SEH1L: variants seen among roughly 807,000 people sequenced by gnomAD.
SEH1L encodes SEH1 like nucleoporin.
Under a neutral mutation model 49.5 loss-of-function variants are expected in SEH1L, and 18 were observed. The observed-to-expected ratio is 0.36, with a 90% CI of 0.25 to 0.54. SEH1L has a LOEUF of 0.54. SEH1L is among the 20% of genes least tolerant of loss of function. SEH1L has a pLI of 0.87. For missense variants in SEH1L, 404 were observed against 528.8 expected (o/e 0.76, Z 2.31); for synonymous variants, 169 against 178.1 (o/e 0.95, Z 0.41).
At chr18:12,980,593 G>C (rs1384426844) in intron 6 of SEH1L, among the ~76,000 whole-genome samples, 1 of 125,404 alleles carries the variant, frequency 8.0e-6, no homozygotes, top group African/African-American at 3.1e-5. Flanking sequence ...CCTCCCGGAC[G>C]GGGCAGCTGG....
chr18:12,964,509 G>A (rs966114247), intron 4 of SEH1L: 6 of 151,922 alleles, frequency 3.9e-5, no homozygotes, highest in African/African-American at 1.5e-4. Context: ...TGACTAGATA[G>A]ATATCTTATT....
intron 3 of SEH1L, among the ~76,000 whole-genome samples, chr18:12,962,569 G>A (rs145612355): frequency 4.4e-5 from 6 of 137,354 alleles, no homozygotes; most frequent in African/African-American, 1.4e-4. Context: ...ACTGGCTCAA[G>A]CGATCCACCC....
intron 4 of SEH1L, among the ~76,000 whole-genome samples, chr18:12,970,097 T>C (rs2031632003): frequency 6.6e-6 from 1 of 152,218 alleles, no homozygotes; most frequent in African/African-American, 2.4e-5. Context: ...ACTAATTTTT[T>C]TTGTCAGTTA....
chr18:12,978,895 G>A lies in SEH1L; in HGVS notation c.761+3G>A, dbSNP rs1440265319. The A allele has an allele frequency of 6.2e-7, 1 of 1,613,424 alleles. No homozygotes were observed. The highest frequency in any genetic ancestry group is 8.5e-7 in the Non-Finnish European group (1 of 1,179,764). On this transcript the variant is annotated splice_donor_region_variant and intron_variant, in intron 6 of 8. Transcript: ENST00000399892. ...ATTTTTACATTAAAGCCTGTGAGGT[G>A]AGTTTTAGAAGCATTTATGAATTTG...
At chr18:12,969,217 C>A (rs1348174945) in intron 4 of SEH1L, among the ~76,000 whole-genome samples, 1 of 48,732 alleles carries the variant, frequency 2.1e-5, no homozygotes, top group Non-Finnish European at 5.3e-5. Flanking sequence ...ACCCGCCCCC[C>A]CCCCCCCCCC....
chr18:12,975,830 G>A, intron 5 of SEH1L: 1 of 985,724 alleles, frequency 1.0e-6, no homozygotes, highest in Non-Finnish European at 1.2e-6. Context: ...ACTGTGGCGT[G>A]GGATGAAGAG....
chr18:12,962,573 T>A (rs1263452470), intron 3 of SEH1L, among the ~76,000 whole-genome samples: 8 of 139,750 alleles, frequency 5.7e-5, no homozygotes, highest in African/African-American at 2.1e-4. Flanking sequence ...GCTCAAGCGA[T>A]CCACCCGCCT....
At chr18:12,966,017 C>T (rs2031434106) in intron 4 of SEH1L, among the ~76,000 whole-genome samples, 1 of 152,132 alleles carries the variant, frequency 6.6e-6, no homozygotes, top group South Asian at 2.1e-4. Flanking sequence ...AAACCCCAAC[C>T]TGGATTATTA....
chr18:12,952,804 T>C (rs1214365995), intron 2 of SEH1L, among the ~76,000 whole-genome samples: 1 of 138,832 alleles, frequency 7.2e-6, no homozygotes, highest in Non-Finnish European at 1.6e-5. Flanking sequence ...TTTTTTGAGC[T>C]GGCGTCTTGC....
chr18:12,960,631 G>T (rs988833038), intron 3 of SEH1L, among the ~76,000 whole-genome samples: 3 of 152,220 alleles, frequency 2.0e-5, no homozygotes, highest in Non-Finnish European at 2.9e-5. Context: ...TGCTTATGGG[G>T]AGGAAGGAAT....
intron 6 of SEH1L, among the ~76,000 whole-genome samples, chr18:12,980,738 A>G (rs1175170996): frequency 7.4e-3 from 48 of 6,488 alleles, no homozygotes; most frequent in African/African-American, 0.014. Context: ...CTGGCCGGGC[A>G]GAGGGGCTCC....
intron 7 of SEH1L, chr18:12,982,892 C>A: frequency 2.5e-6 from 1 of 400,490 alleles, no homozygotes; most frequent in East Asian, 4.3e-5. Context: ...GTTTTCAAAA[C>A]TAAAGTAATT....
chr18:12,978,858 A>G lies in SEH1L; in HGVS notation c.727A>G (p.Lys243Glu), dbSNP rs503063. ...RSFHILAIAT[K>E]DVRIFTLKPV... is the part of the protein sequence containing the mutation. ...TTTCCATATTCTAGCAATAGCGACC[A>G]AAGATGTGAGAATTTTTACATTAAA... Residue 243 changes from lysine (K) to glutamate (E), a missense_variant, in exon 6 of 9, where the codon AAA becomes GAA. Coordinates refer to ENST00000399892, the MANE Select transcript of SEH1L (RefSeq NM_001013437.2). 1.1e-5 allele frequency: 18 copies of G among 1,614,084 alleles called. No individual in the cohort carries two copies. Among genetic ancestry groups the G allele is most frequent in the Non-Finnish European group, 1.4e-5 (17 of 1,179,992 alleles).
intron 1 of SEH1L, 199 bp downstream of exon 1, chr18:12,948,431 C>T: frequency 2.2e-6 from 1 of 461,616 alleles, no homozygotes; most frequent in South Asian, 3.1e-5. Flanking sequence ...GGGCCGCCCT[C>T]CCGTGCGCCT....
At chr18:12,962,485 T>TTTTTTTTTTTG (rs2031233183) in intron 3 of SEH1L, among the ~76,000 whole-genome samples, 1 of 140,276 alleles carries the variant, frequency 7.1e-6, no homozygotes, top group African/African-American at 2.6e-5. Context: ...TTTTTTTTTT[T>TTTTTTTTTTTG]GAGAGAGGGT....
intron 5 of SEH1L, chr18:12,972,838 G>A (rs1174772103): frequency 1.3e-5 from 2 of 152,192 alleles, no homozygotes; most frequent in Non-Finnish European, 2.9e-5. Flanking sequence ...TTCATGAAGT[G>A]TTGGGCTTGT....
chr18:12,979,359 A>C (rs958739553), intron 6 of SEH1L, among the ~76,000 whole-genome samples: 4 of 149,734 alleles, frequency 2.7e-5, no homozygotes, highest in Admixed American at 6.7e-5. Context: ...GACACAGCAC[A>C]TGTTTCAGAG....
chr18:12,981,850 A>ATTTTTATTTTTTTTTTTTT (rs1463077173), intron 6 of SEH1L, among the ~76,000 whole-genome samples: 2 of 88,184 alleles, frequency 2.3e-5, no homozygotes, highest in African/African-American at 1.1e-4. Flanking sequence ...TGCCCTGCCC[A>ATTTTTATTTTTTTTTTTTT]TTTTTTTTTT....
chr18:12,981,337 G>C (rs576986578), intron 6 of SEH1L, among the ~76,000 whole-genome samples: 46 of 152,268 alleles, frequency 3.0e-4, no homozygotes, highest in Non-Finnish European at 6.0e-4. Context: ...CGGCACTTTG[G>C]GGGGCCAAGG....
Sources: gnomAD v4.1 joint callset for allele counts (sites outside exome capture counted in the v4.1 genomes callset) on GRCh38, gnomAD v4.1.1 for gene constraint, MANE v1.5 for transcripts, NCBI Gene and HGNC (gene_info 2026-07-23, HGNC 2026-07-21) for gene names.